Variants in KCNH8 observed in about 807,000 individuals in gnomAD.
The protein encoded by KCNH8 is voltage-gated delayed rectifier potassium channel KCNH8.
In KCNH8, 70 loss-of-function variants were observed where a neutral mutation model predicts 103.6. That is an observed-to-expected ratio of 0.68 (90% CI 0.56 to 0.82). The LOEUF (loss-of-function observed/expected upper bound fraction) is 0.82. Among genes scored for constraint, KCNH8 ranks in the 40% least tolerant of loss-of-function variants. The pLI is 0.00. For synonymous variants in KCNH8, 498 were observed against 489.4 expected, an observed-to-expected ratio of 1.02 and a Z score of -0.23; for missense variants, 1,217 against 1,329.9, an observed-to-expected ratio of 0.92 and a Z score of 1.32.
At chr3:19,160,669 CATAA>C (rs1055067286) in intron 1 of KCNH8, among the ~76,000 whole-genome samples, 1 of 152,050 alleles carries the variant, frequency 6.6e-6, no homozygotes, top group Non-Finnish European at 1.5e-5. Context: ...TGGAAAATCC[CATAA>C]ATAAACAATC....
At chr3:19,414,411 G>GA (rs1358195421) in intron 7 of KCNH8, among the ~76,000 whole-genome samples, 1 of 151,366 alleles carries the variant, frequency 6.6e-6, no homozygotes, top group Non-Finnish European at 1.5e-5. Flanking sequence ...GAAAAACATT[G>GA]AAAAAAAGGA....
At chr3:19,308,289 TAA>T (rs34959478) in intron 3 of KCNH8, among the ~76,000 whole-genome samples, 8 of 142,910 alleles carry the variant, frequency 5.6e-5, no homozygotes, top group African/African-American at 1.0e-4. Context: ...TTTCCCTCAT[TAA>T]AAAAAAAAAA....
chr3:19,385,319 G>T (rs530335441), intron 5 of KCNH8, among the ~76,000 whole-genome samples: 1 of 151,990 alleles, frequency 6.6e-6, no homozygotes, highest in African/African-American at 2.4e-5. Flanking sequence ...GATGTACATT[G>T]GTCATGTATC....
intron 7 of KCNH8, among the ~76,000 whole-genome samples, chr3:19,400,192 G>T (rs1210779617): frequency 9.6e-6 from 1 of 103,638 alleles, no homozygotes; most frequent in African/African-American, 3.9e-5. Context: ...ATACAATGAA[G>T]AACCCACCCA....
At chr3:19,476,812 C>G (rs531150985) in intron 11 of KCNH8, among the ~76,000 whole-genome samples, 1 of 152,118 alleles carries the variant, frequency 6.6e-6, no homozygotes, top group Non-Finnish European at 1.5e-5. Context: ...TCAAAATCAT[C>G]CTGCATTTTC....
At chr3:19,346,193 G>A (rs1364683323) in intron 4 of KCNH8, among the ~76,000 whole-genome samples, 2 of 152,014 alleles carry the variant, frequency 1.3e-5, no homozygotes, top group Non-Finnish European at 2.9e-5. Context: ...TTTATCAGTG[G>A]TGAGAAGATT....
At chr3:19,167,499 T>A (rs2063297489) in intron 1 of KCNH8, among the ~76,000 whole-genome samples, 1 of 152,226 alleles carries the variant, frequency 6.6e-6, no homozygotes, top group Non-Finnish European at 1.5e-5. Flanking sequence ...TATTTTTTTA[T>A]AAATTTGAGA....
In KCNH8 at chr3:19,347,877, C is replaced by A; in HGVS notation, c.723C>A (p.Tyr241Ter). ...TTTATGTTGCTGTGACTGTACCTTA[C>A]AACGTTTGCTTTATTGGCAATGACG... ...ATFYVAVTVPYNVCFIGNDDL... is the reference protein window; with the variant it reads ...ATFYVAVTVP Residue 241 changes from tyrosine (Y) to a stop codon, truncating the protein, a stop_gained, in exon 5 of 16, where the codon TAC (tyrosine) becomes TAA (stop). Coordinates refer to ENST00000328405, the MANE Select transcript of KCNH8 (RefSeq NM_144633.3). LOFTEE classifies it high-confidence loss of function. 1 of 1,613,406 alleles carries A rather than the reference C, an allele frequency of 6.2e-7. No individual in the cohort carries two copies.
At chr3:19,498,685 T>G (rs1262304384) in intron 11 of KCNH8, among the ~76,000 whole-genome samples, 1 of 152,232 alleles carries the variant, frequency 6.6e-6, no homozygotes, top group Admixed American at 6.5e-5. Context: ...GTTTTTCTGC[T>G]CTGTTTTTTC....
intron 5 of KCNH8, among the ~76,000 whole-genome samples, chr3:19,389,927 G>T (rs2066411975): frequency 6.6e-6 from 1 of 152,028 alleles, no homozygotes; most frequent in Admixed American, 6.6e-5. Flanking sequence ...ACCATGCCCG[G>T]CTTGTATCTG....
intron 1 of KCNH8, among the ~76,000 whole-genome samples, chr3:19,166,067 T>C (rs936036327): frequency 6.6e-6 from 1 of 152,062 alleles, no homozygotes; most frequent in African/African-American, 2.4e-5. Context: ...CCTCCCACAG[T>C]GAGTGGGAGC....
At chr3:19,467,798 T>G (rs2067773258) in intron 11 of KCNH8, among the ~76,000 whole-genome samples, 1 of 152,152 alleles carries the variant, frequency 6.6e-6, no homozygotes, top group Non-Finnish European at 1.5e-5. Context: ...GGTAGTAACA[T>G]CCAGACTTTT....
At chr3:19,271,330 C>T (rs1378167868) in intron 2 of KCNH8, among the ~76,000 whole-genome samples, 7 of 152,022 alleles carry the variant, frequency 4.6e-5, no homozygotes, top group Non-Finnish European at 1.0e-4. Flanking sequence ...TTTTTTAACT[C>T]GAGCAATCTG....
chr3:19,342,767 G>A, intron 4 of KCNH8, 53 bp downstream of exon 4: 2 of 1,515,030 alleles, frequency 1.3e-6, no homozygotes, highest in Non-Finnish European at 1.8e-6. Context: ...TGGTGGCAAT[G>A]TTTGACTCGC....
intron 5 of KCNH8, among the ~76,000 whole-genome samples, chr3:19,352,063 C>T (rs1436004487): frequency 6.6e-6 from 1 of 151,064 alleles, no homozygotes; most frequent in African/African-American, 2.4e-5. Context: ...AAATGGAAAA[C>T]AAAAAAAAGC....
intron 3 of KCNH8, among the ~76,000 whole-genome samples, chr3:19,340,357 A>ATT (rs33979047): frequency 4.2e-4 from 61 of 143,996 alleles, no homozygotes; most frequent in African/African-American, 1.5e-3. Flanking sequence ...TTTTTTTTTA[A>ATT]TTTTTTTTTT....
chr3:19,331,841 TTCTA>T lies in KCNH8; in HGVS notation c.443-10741_443-10738del, dbSNP rs1271800672. Among the ~76,000 whole-genome samples the T allele has an allele frequency of 1.4e-4, 22 of 152,338 alleles. No homozygotes were observed. The South Asian group carries it at 1.9e-3, about 13-fold the overall frequency. On this transcript the variant is annotated intron_variant, in intron 3 of 15. Transcript: ENST00000328405. ...GCTATCAAATACTGGCTCCTATTTA[TTCTA>T]TCTAACTATATTTGTGTACCACGGT...
chr3:19,235,772 G>A (rs2064057258), intron 1 of KCNH8, among the ~76,000 whole-genome samples: 1 of 152,116 alleles, frequency 6.6e-6, no homozygotes, highest in South Asian at 2.1e-4. Flanking sequence ...CAGAGTTACA[G>A]CGATCTAAGG....
chr3:19,149,169 C>T (rs2063104302), intron 1 of KCNH8, among the ~76,000 whole-genome samples: 2 of 152,066 alleles, frequency 1.3e-5, no homozygotes, highest in African/African-American at 4.8e-5. Flanking sequence ...TCAAGGCTCC[C>T]TAGATCAAAA....
Sources: allele counts gnomAD v4.1 joint callset (sites outside exome capture counted in the v4.1 genomes callset), GRCh38; gene constraint gnomAD v4.1.1; transcripts MANE v1.5; gene names NCBI Gene and HGNC (gene_info 2026-07-23, HGNC 2026-07-21).